Variants in MTMR10 observed in about 807,000 individuals in gnomAD.
MTMR10 encodes the protein myotubularin related protein 10.
MTMR10 carries 56 observed loss-of-function variants against 88.1 expected under a neutral mutation model. That is an observed-to-expected ratio of 0.64 (90% CI 0.51 to 0.79). The LOEUF (loss-of-function observed/expected upper bound fraction) is 0.79, where lower values mean the gene tolerates loss of function less well. Among genes scored for constraint, MTMR10 ranks in the 30% least tolerant of loss-of-function variants. The pLI is 0.00. For synonymous variants in MTMR10, 380 were observed against 340.9 expected (o/e 1.11, Z -1.26); for missense variants, 883 against 924.7 (o/e 0.95, Z 0.58).
At chr15:30,928,261 A>C in the MTMR10 span, 3 of 1,177,454 alleles carry the variant, frequency 2.5e-6, no homozygotes, top group Non-Finnish European at 3.1e-6. Context: ...CATGTTTCTT[A>C]GGTTATTCAC....
chr15:30,982,090 AAAG>A (rs1048026268), intron 2 of MTMR10, among the ~76,000 whole-genome samples: 1 of 145,040 alleles, frequency 6.9e-6, no homozygotes. Flanking sequence ...AAGAAAAGAA[AAAG>A]AAAAAAAAGA....
At chr15:30,931,977 C>CT in the MTMR10 span, among the ~76,000 whole-genome samples, 2 of 150,394 alleles carry the variant, frequency 1.3e-5, no homozygotes, top group Non-Finnish European at 3.0e-5. Flanking sequence ...AATCCCAGCA[C>CT]TTTGGGAGAC....
chr15:30,940,233 C>T lies in MTMR10; in HGVS notation c.*1237G>A, dbSNP rs897481487. 1.0e-6 allele frequency: 1 copy of T among 985,298 alleles called. No homozygotes were observed. The highest frequency in any genetic ancestry group is 1.2e-6 in the Non-Finnish European group (1 of 829,916). The allele number at this position is 985,298 out of a possible 1,614,324, so 61.0% of individuals were successfully genotyped here. A position where few individuals can be genotyped will look rare whatever the true frequency, so the allele number is the denominator to read the frequency against. Reference sequence around the variant, plus strand: ...CTGCTGTAAGAAGCTTCAGCTTTGACCGCTACAGTGGTAGGTAGGCTCTTG... The same window carrying T: ...CTGCTGTAAGAAGCTTCAGCTTTGATCGCTACAGTGGTAGGTAGGCTCTTG... On this transcript the variant is annotated 3_prime_UTR_variant, in exon 16 of 16. Transcript: ENST00000435680.
intron 14 of MTMR10, chr15:30,946,804 G>A (rs1163741073): frequency 4.3e-6 from 3 of 696,342 alleles, no homozygotes; most frequent in Non-Finnish European, 7.8e-6. Flanking sequence ...TCGTGTAACA[G>A]GGCTTTTGTT....
intron 12 of MTMR10, among the ~76,000 whole-genome samples, chr15:30,950,873 C>CT (rs984251726): frequency 5.9e-5 from 9 of 152,142 alleles, no homozygotes; most frequent in Admixed American, 3.3e-4. Context: ...CTCCTGTACA[C>CT]TTTAAGTTAC....
chr15:30,923,006 C>A, the MTMR10 span, among the ~76,000 whole-genome samples: 73 of 152,214 alleles, frequency 4.8e-4, no homozygotes, highest in Non-Finnish European at 1.0e-3. Context: ...TGTGTGGCCG[C>A]CAGCAGGCCC....
chr15:30,977,859 T>G (rs1437596252), intron 2 of MTMR10, among the ~76,000 whole-genome samples: 1 of 152,244 alleles, frequency 6.6e-6, no homozygotes. Flanking sequence ...GCAATAACTT[T>G]TATTCGAAGT....
the MTMR10 span, among the ~76,000 whole-genome samples, chr15:30,924,411 T>C: frequency 6.6e-6 from 1 of 152,222 alleles, no homozygotes; most frequent in Non-Finnish European, 1.5e-5. Flanking sequence ...GTGGCTGAAC[T>C]GTTTTTCACA....
the MTMR10 span, among the ~76,000 whole-genome samples, chr15:30,933,460 T>C: frequency 6.6e-6 from 1 of 152,236 alleles, no homozygotes; most frequent in African/African-American, 2.4e-5. Context: ...TGATTTGTAA[T>C]TTAACTCCAT....
At chr15:30,925,373 T>G in the MTMR10 span, 1 of 1,302,766 alleles carries the variant, frequency 7.7e-7, no homozygotes, top group Non-Finnish European at 1.1e-6. Context: ...AAGAGCTGTT[T>G]TGAGTGTGTG....
chr15:30,977,009 CTTTGTGGGACCTAGAAGGAGTGT>C, intron 2 of MTMR10, 54 bp from the exon 3 acceptor site: 1 of 1,536,396 alleles, frequency 6.5e-7, no homozygotes, highest in Non-Finnish European at 8.9e-7. Flanking sequence ...TACCAACGGT[CTTTGTGGGACCTAGAAGGAGTGT>C]TTCATGAGGG....
intron 4 of MTMR10, 64 bp downstream of exon 4, chr15:30,974,867 G>T: frequency 1.7e-6 from 2 of 1,157,158 alleles, no homozygotes; most frequent in East Asian, 2.9e-5. Flanking sequence ...TGAGAGGTAT[G>T]ACTTTTCAAA....
At chr15:30,990,720 A>C (rs773980319) in intron 2 of MTMR10, 57 bp downstream of exon 2, 4 of 1,452,640 alleles carry the variant, frequency 2.8e-6, no homozygotes, top group Non-Finnish European at 3.8e-6. Context: ...TCGGCAGAAT[A>C]ATCTTAAACC....
At chr15:30,932,737 G>C in the MTMR10 span, among the ~76,000 whole-genome samples, 2 of 123,850 alleles carry the variant, frequency 1.6e-5, no homozygotes, top group Non-Finnish European at 3.2e-5. Flanking sequence ...TTTTTGAGAT[G>C]GAGTCTCGCT....
intron 2 of MTMR10, among the ~76,000 whole-genome samples, chr15:30,989,312 T>C (rs572692099): frequency 7.2e-5 from 11 of 152,302 alleles, no homozygotes; most frequent in Non-Finnish European, 1.2e-4. Flanking sequence ...GATTAATTAG[T>C]ACACACTGTT....
Position 30,974,432 on chromosome 15 carries a change from T to C in MTMR10, c.356A>G (p.Lys119Arg). ...VTVNDHKRKQKVLGPNQKLKF... is the reference protein window; with the variant it reads ...VTVNDHKRKQRVLGPNQKLKF... The stretch of plus-strand genomic sequence containing the variant: ...CAGTTTCTGGTTGGGGCCTAGGACT[T>C]TCTGCTTCCTCTTGTGGTCGTTTAC... Residue 119 changes from lysine (K) to arginine (R), a missense_variant, in exon 5 of 16, where the codon AAA (lysine) becomes AGA (arginine). Lys to Arg is a conservative substitution (Grantham distance 26). This residue lies in a region of MTMR10 where 414 missense variants were observed against 423.2 expected (regional missense o/e 0.98). Coordinates refer to ENST00000435680, the MANE Select transcript of MTMR10 (RefSeq NM_017762.3). 2 of 1,573,082 alleles carry C rather than the reference T, an allele frequency of 1.3e-6. No homozygotes were observed.
chr15:30,984,232 C>T (rs2030788545), intron 2 of MTMR10, among the ~76,000 whole-genome samples: 3 of 152,062 alleles, frequency 2.0e-5, no homozygotes, highest in South Asian at 4.1e-4. Flanking sequence ...GTGTTGACAA[C>T]GATAGTGAGG....
At chr15:30,948,846 G>A (rs920757735) in intron 12 of MTMR10, 6 of 254,834 alleles carry the variant, frequency 2.4e-5, no homozygotes, top group Admixed American at 1.1e-4. Flanking sequence ...ACTGAGAAGT[G>A]AATGGGGAGA....
the MTMR10 span, among the ~76,000 whole-genome samples, chr15:30,921,110 G>C: frequency 6.6e-6 from 1 of 152,144 alleles, no homozygotes; most frequent in Non-Finnish European, 1.5e-5. Flanking sequence ...TGGCCAACGA[G>C]GGCATAGTTA....
Sources: allele counts gnomAD v4.1 joint callset (sites outside exome capture counted in the v4.1 genomes callset), GRCh38; gene constraint gnomAD v4.1.1; regional missense constraint gnomAD v4.1.1; transcripts MANE v1.5; gene names NCBI Gene and HGNC (gene_info 2026-07-23, HGNC 2026-07-21).